WBP11: variants seen among roughly 807,000 people sequenced by gnomAD.
WBP11 encodes the protein WW domain-binding protein 11.
WBP11 carries 12 observed loss-of-function variants against 66.7 expected under a neutral mutation model. The ratio of observed to expected loss-of-function variants is 0.18; its 90% CI spans 0.12 to 0.29. WBP11 has a LOEUF of 0.29. WBP11 is among the 10% of genes least tolerant of loss of function. WBP11 has a pLI of 1.00. For missense variants in WBP11, 555 were observed against 818.3 expected, an observed-to-expected ratio of 0.68 and a Z score of 3.93; for synonymous variants, 255 against 273.8, an observed-to-expected ratio of 0.93 and a Z score of 0.68.
Position 14,793,749 on chromosome 12 carries a change from T to C in WBP11, c.895A>G (p.Asn299Asp). Residue 299 changes from asparagine (N) to aspartate (D), a missense_variant, in exon 8 of 12, where the codon AAT becomes GAT. This residue lies in a region of WBP11 where 220 missense variants were observed against 268.2 expected (regional missense o/e 0.82). Coordinates refer to ENST00000261167, the MANE Select transcript of WBP11 (RefSeq NM_016312.3). ...VHRDNGERDN[N>D]EEKKSGLSVR... ...CACATACCTGACTTCTTTTCTTCAT[T>C]GTTGTCTCTCTCACCATTATCACGG... The C allele has an allele frequency of 6.2e-7, 1 of 1,614,064 alleles. No homozygotes were observed. Among genetic ancestry groups the C allele is most frequent in the East Asian group, 2.2e-5 (1 of 44,876 alleles).
chr12:14,787,007 G>GA lies in WBP11; in HGVS notation c.*57_*58insT. ...GCTCTTTCATCTAAGTTTAATAAGA[G>GA]CCTCTTTCTCCATGGGCCACTGTTG... On this transcript the variant is annotated 3_prime_UTR_variant, in exon 12 of 12. Transcript: ENST00000261167. 1 of 1,473,952 alleles carries GA rather than the reference G, an allele frequency of 6.8e-7. No homozygotes were observed. The allele number at this position is 1,473,952 out of a possible 1,614,324, so 91.3% of individuals were successfully genotyped here. A position where few individuals can be genotyped will look rare whatever the true frequency, so the allele number is the denominator to read the frequency against.
chr12:14,788,411 C>CATTTTATCAAA (rs1435993077), intron 11 of WBP11, among the ~76,000 whole-genome samples: 1 of 152,076 alleles, frequency 6.6e-6, no homozygotes, highest in Non-Finnish European at 1.5e-5. Context: ...ATATTAAGTA[C>CATTTTATCAAA]ATTTTATCAA....
Position 14,799,696 on chromosome 12 carries a change from T to C in WBP11, c.129A>G (p.Ala43=). The change falls in exon 4 of 12, where the codon GCA becomes GCG. Residue 43 remains alanine (A), a synonymous_variant. Transcript: ENST00000261167. ...NKKQRMMVRA[A]VLKMKDPKQI... ...GTTTTGGATCCTTCATCTTTAAAAC[T>C]GCAGCTCGAACCATCATGCGCTGTT... 6.2e-7 allele frequency: 1 copy of C among 1,613,690 alleles called. No homozygotes were observed. The highest frequency in any genetic ancestry group is 8.5e-7 in the Non-Finnish European group (1 of 1,179,722).
chr12:14,799,217 G>A (rs1269951075), intron 4 of WBP11, among the ~76,000 whole-genome samples: 1 of 151,820 alleles, frequency 6.6e-6, no homozygotes, highest in Non-Finnish European at 1.5e-5. Flanking sequence ...GTATCTTTTT[G>A]GATCTTCTGA....
intron 3 of WBP11, 100 bp downstream of exon 3, chr12:14,800,652 T>C (rs1026477478): frequency 4.4e-6 from 5 of 1,147,476 alleles, no homozygotes; most frequent in Middle Eastern, 2.6e-4. Flanking sequence ...GTACCTTTTC[T>C]AGAAAATATT....
chr12:14,800,760 A>C lies in WBP11; in HGVS notation c.88T>G (p.Leu30Val). Residue 30 changes from leucine to valine, a missense_variant, in exon 3 of 12, where the codon TTA becomes GTA. Physicochemically the swap from Leu to Val is conservative, Grantham distance 32. Around this residue, in one of 6 missense-constraint regions of WBP11, gnomAD observed 43 missense variants for 142.1 expected, o/e 0.30. Transcript: ENST00000261167. ...QARKEARKRE[L>V]KKNKKQRMMV... ...TGCCTCTAAAATCATACCTTCTTTAATTCTCTCTTCCGGGCTTCCTTTCCT... is the reference window on the plus strand; with the variant it reads ...TGCCTCTAAAATCATACCTTCTTTACTTCTCTCTTCCGGGCTTCCTTTCCT... 6.2e-7 allele frequency: 1 copy of C among 1,607,230 alleles called. No homozygotes were observed.
chr12:14,792,424 C>G lies in WBP11; in HGVS notation c.914-1154G>C, dbSNP rs184844239. On this transcript the variant is annotated intron_variant, in intron 8 of 11. Coordinates refer to ENST00000261167, the MANE Select transcript of WBP11 (RefSeq NM_016312.3). Reference sequence around the variant, plus strand: ...ACTTTAGTTTTGTTTACCCTGTATCCTTAGTGCCTAGAAAAAATGCCGTAT... The same window carrying G: ...ACTTTAGTTTTGTTTACCCTGTATCGTTAGTGCCTAGAAAAAATGCCGTAT... 5.8e-4 allele frequency among the ~76,000 whole-genome samples: 88 copies of G among 152,186 alleles called. 1 individual carries two copies. The highest frequency in any genetic ancestry group is 2.1e-3 in the African/African-American group (87 of 41,524).
Position 14,794,570 on chromosome 12 carries a change from G to T in WBP11, c.688C>A (p.Arg230=). The change falls in exon 7 of 12, where the codon CGA becomes AGA. Residue 230 remains arginine, a synonymous_variant. Coordinates refer to ENST00000261167, the MANE Select transcript of WBP11 (RefSeq NM_016312.3). ...GFALDLPPRR[R]DEDMLYSPEL... is the part of the protein sequence containing the mutation. ...GGACTATATAACATGTCTTCATCTC[G>T]CCTACGAGGGGGAAGATCTAGGGCA... 6.2e-7 allele frequency: 1 copy of T among 1,613,888 alleles called. No homozygotes were observed. The highest frequency in any genetic ancestry group is 1.1e-5 in the South Asian group (1 of 91,062).
rs142770703 is a variant in WBP11, at chr12:14,790,670, T to C, written c.1095A>G (p.Glu365=). The change falls in exon 10 of 12, where the codon GAA becomes GAG. Residue 365 remains glutamate (E), a synonymous_variant. Coordinates refer to ENST00000261167, the MANE Select transcript of WBP11 (RefSeq NM_016312.3). ...GCTGCTTTTGTGATTGCTTTTCTGCTTCAGAGTCATCAGAATCATCTTCAT... is the reference window on the plus strand; with the variant it reads ...GCTGCTTTTGTGATTGCTTTTCTGCCTCAGAGTCATCAGAATCATCTTCAT... The part of the protein sequence containing the change: ...DDDEDDSDDS[E]AEKQSQKQHK... 2 of 1,614,114 alleles carry C rather than the reference T, an allele frequency of 1.2e-6. No individual in the cohort carries two copies. Among genetic ancestry groups the C allele is most frequent in the African/African-American group, 2.7e-5 (2 of 74,934 alleles).
chr12:14,791,397 T>C (rs1450322623), intron 8 of WBP11, 127 bp from the exon 9 acceptor site: 3 of 635,418 alleles, frequency 4.7e-6, no homozygotes, highest in East Asian at 5.7e-5. Flanking sequence ...CAGGATGAGA[T>C]AGCTATACTA....
chr12:14,793,697 TGATC>T (rs1565673076), intron 8 of WBP11, 30 bp downstream of exon 8: 1 of 1,596,224 alleles, frequency 6.3e-7, no homozygotes, highest in South Asian at 1.1e-5. Flanking sequence ...TTCTCTTTAT[TGATC>T]AATACCATGA....
chr12:14,793,555 C>T (rs150550577), intron 8 of WBP11, among the ~76,000 whole-genome samples, 176 bp downstream of exon 8: 276 of 152,230 alleles, frequency 1.8e-3, no homozygotes, highest in Non-Finnish European at 3.3e-3. Flanking sequence ...TCATAAACAT[C>T]CACTGAGTAC....
Position 14,801,190 on chromosome 12 carries a change from AC to A in WBP11, c.64+129del. The A allele has an allele frequency of 5.8e-6, 5 of 863,338 alleles. No individual in the cohort carries two copies. The South Asian group carries it at 8.8e-5, about 15-fold the overall frequency. The allele number at this position is 863,338 out of a possible 1,614,324, so 53.5% of individuals were successfully genotyped here. A position where few individuals can be genotyped will look rare whatever the true frequency, so the allele number is the denominator to read the frequency against. ...TTAAAGTCTTAATGTGCCCATACAAACCCTGAATATATAATTTATTCCTCCT... is the reference window on the plus strand; with the variant it reads ...TTAAAGTCTTAATGTGCCCATACAAACCTGAATATATAATTTATTCCTCCT... On this transcript the variant is annotated intron_variant, in intron 2 of 11. Coordinates refer to ENST00000261167, the MANE Select transcript of WBP11 (RefSeq NM_016312.3).
At position 14,796,500 on chromosome 12, in the gene WBP11, T is replaced by C. The variant is rs952052339; in HGVS notation, c.387+307A>G. 3.3e-5 allele frequency among the ~76,000 whole-genome samples: 5 copies of C among 152,190 alleles called. No homozygotes were observed. Among genetic ancestry groups the C allele is most frequent in the African/African-American group, 1.2e-4 (5 of 41,456 alleles). ...AAAATGCTCCAAAATCCTAAACTTT[T>C]TGACTCCCATATGATGCCATGGTGG... On this transcript the variant is annotated intron_variant, in intron 5 of 11. Transcript: ENST00000261167. The surrounding 1 kb of genome is among the most constrained non-coding windows in gnomAD (Gnocchi z 4.5).
At chr12:14,793,298 C>G (rs1037222798) in intron 8 of WBP11, among the ~76,000 whole-genome samples, 2 of 152,152 alleles carry the variant, frequency 1.3e-5, no homozygotes, top group Non-Finnish European at 2.9e-5. Flanking sequence ...CATGATTCCA[C>G]TCATGAGTGT....
intron 3 of WBP11, among the ~76,000 whole-genome samples, chr12:14,800,510 ATTT>A (rs1555174471): frequency 1.3e-5 from 2 of 152,098 alleles, no homozygotes; most frequent in Non-Finnish European, 2.9e-5. Flanking sequence ...TTTCAAAAGT[ATTT>A]TTTAACTCAC....
Position 14,799,617 on chromosome 12 carries a change from C to G in WBP11, c.190+18G>C. Reference sequence around the variant, plus strand: ...GTACGTGTCAGACTGTTATAGCTGCCTGTTTGTAAATTCTTACCCATTTCA... The same window carrying G: ...GTACGTGTCAGACTGTTATAGCTGCGTGTTTGTAAATTCTTACCCATTTCA... On this transcript the variant is annotated intron_variant, in intron 4 of 11. Transcript: ENST00000261167. 1 of 1,610,202 alleles carries G rather than the reference C, an allele frequency of 6.2e-7. No homozygotes were observed. Among genetic ancestry groups the G allele is most frequent in the Non-Finnish European group, 8.5e-7 (1 of 1,178,020 alleles).
rs200632275 is a variant in WBP11 at position 14,799,733 on chromosome 12, G to T, written c.97-5C>A. 9.9e-6 allele frequency: 16 copies of T among 1,610,806 alleles called. No individual in the cohort carries two copies. In the Admixed American group the frequency reaches 2.7e-4, roughly 27 times the overall value. Reference sequence around the variant, plus strand: ...CATCATGCGCTGTTTTTTGTTCTTAGAAAAATAAAAGGGCAGATGTCAAGA... The same window carrying T: ...CATCATGCGCTGTTTTTTGTTCTTATAAAAATAAAAGGGCAGATGTCAAGA... On this transcript the variant is annotated splice_polypyrimidine_tract_variant and splice_region_variant and intron_variant, in intron 3 of 11. Coordinates refer to ENST00000261167, the MANE Select transcript of WBP11 (RefSeq NM_016312.3).
Position 14,794,752 on chromosome 12 carries a change from AC to A in WBP11, c.522-17del, listed in dbSNP as rs767099273. 9.8e-5 allele frequency: 143 copies of A among 1,462,710 alleles called. No homozygotes were observed. In the African/African-American group the frequency reaches 1.6e-3, roughly 16 times the overall value. The allele number at this position is 1,462,710 out of a possible 1,614,324, so 90.6% of individuals were successfully genotyped here. On this transcript the variant is annotated splice_polypyrimidine_tract_variant and intron_variant, in intron 6 of 11. Transcript: ENST00000261167. ...AGTTGGAGGTCTGTTAAAAAAAAAA[AC>A]AAAAACAAAAAAACCCCCACAGTAA...
Sources: gnomAD v4.1 joint callset for allele counts (sites outside exome capture counted in the v4.1 genomes callset) on GRCh38, gnomAD v4.1.1 for gene constraint, gnomAD v4.1.1 regional missense constraint, Gnocchi (gnomAD v3.1) non-coding constraint, MANE v1.5 for transcripts, NCBI Gene and HGNC (gene_info 2026-07-23, HGNC 2026-07-21) for gene names.